Variants in FERMT1 observed in about 807,000 individuals in gnomAD.
FERMT1 encodes the protein fermitin family homolog 1.
In FERMT1, 60 loss-of-function variants were observed where a neutral mutation model predicts 85.3. The observed-to-expected ratio is 0.70, with a 90% CI of 0.57 to 0.87. The LOEUF (loss-of-function observed/expected upper bound fraction) is 0.87, where lower values mean the gene tolerates loss of function less well. FERMT1 is among the 40% of genes least tolerant of loss of function. The pLI is 0.00. For missense variants in FERMT1, 701 were observed against 818.9 expected (o/e 0.86, Z 1.76); for synonymous variants, 275 against 301.1 (o/e 0.91, Z 0.90).
At chr20:6,115,790 G>A in intron 3 of FERMT1, 21 bp downstream of exon 3, 2 of 1,564,644 alleles carry the variant, frequency 1.3e-6, no homozygotes, top group Non-Finnish European at 1.8e-6. Context: ...CAGGGCACAG[G>A]GGCCTTTCCT....
chr20:6,092,085 C>T (rs188472100), intron 9 of FERMT1, among the ~76,000 whole-genome samples: 14 of 152,208 alleles, frequency 9.2e-5, no homozygotes, highest in Admixed American at 4.6e-4. Context: ...GGATTACAGG[C>T]GCGTGCCACT....
intron 2 of FERMT1, among the ~76,000 whole-genome samples, chr20:6,116,739 A>AAAAT (rs1296864564): frequency 6.6e-6 from 1 of 151,934 alleles, no homozygotes; most frequent in African/African-American, 2.4e-5. Context: ...CAAAAAAAAA[A>AAAAT]AAATGGAAAA....
Position 6,110,474 on chromosome 20 carries a change from T to C in FERMT1, c.570A>G (p.Ile190Met). 6.2e-7 allele frequency: 1 copy of C among 1,614,130 alleles called. No individual in the cohort carries two copies. The highest frequency in any genetic ancestry group is 8.5e-7 in the Non-Finnish European group (1 of 1,180,014). ...CTGGTGTTCCATTGATGGGGTCATA[T>C]ATAGGGGTCATGGTTTTACTGTATA... ...PGLYSKTMTP[I>M]YDPINGTPAS... Residue 190 changes from isoleucine (I) to methionine (M), a missense_variant, in exon 5 of 15, where the codon ATA (isoleucine) becomes ATG (methionine). Physicochemically the swap from Ile to Met is conservative, Grantham distance 10. Transcript: ENST00000217289.
chr20:6,099,361 C>T (rs1455939227), intron 6 of FERMT1, among the ~76,000 whole-genome samples: 1 of 147,826 alleles, frequency 6.8e-6, no homozygotes, highest in Non-Finnish European at 1.5e-5. Flanking sequence ...GCCAAGATTG[C>T]AGCACTGCAC....
intron 6 of FERMT1, 104 bp downstream of exon 6, chr20:6,107,428 C>G: frequency 1.5e-6 from 1 of 679,380 alleles, no homozygotes; most frequent in Non-Finnish European, 2.6e-6. Flanking sequence ...AACAGGCGAT[C>G]ACACAAATAA....
chr20:6,101,692 G>T (rs1024554118), intron 6 of FERMT1, among the ~76,000 whole-genome samples: 6 of 152,092 alleles, frequency 3.9e-5, no homozygotes, highest in Non-Finnish European at 7.4e-5. Context: ...TTGCTCTGTT[G>T]CCCAGGCTGG....
intron 14 of FERMT1, among the ~76,000 whole-genome samples, chr20:6,078,503 C>T (rs529210967): frequency 2.0e-5 from 3 of 152,156 alleles, no homozygotes; most frequent in Non-Finnish European, 4.4e-5. Context: ...GAAACAGGGT[C>T]TTGCTTTGTT....
rs1362143331 is a variant in FERMT1, at chr20:6,085,140, T to C, written c.1519A>G (p.Ser507Gly). ...NRNSASQVAS[S>G]LENMDMNPEC... ...GGGTTCATATCCATGTTTTCGAGAC[T>C]GGAAGCCACCTGAGATGCAGAGTTC... is the stretch of plus-strand genomic sequence containing the variant. Residue 507 changes from serine (S) to glycine (G), a missense_variant, in exon 12 of 15, where the codon AGT becomes GGT. Transcript: ENST00000217289. 6.2e-7 allele frequency: 1 copy of C among 1,614,244 alleles called. No individual in the cohort carries two copies. The highest frequency in any genetic ancestry group is 8.5e-7 in the Non-Finnish European group (1 of 1,180,034).
Position 6,075,148 on chromosome 20 carries a change from G to C in FERMT1, c.*2025C>G, listed in dbSNP as rs956420976. 1 of 151,782 alleles carries C rather than the reference G, an allele frequency of 6.6e-6. No individual in the cohort carries two copies. The highest frequency in any genetic ancestry group is 2.4e-5 in the African/African-American group (1 of 41,278). 9.4% of individuals were successfully genotyped at this position (151,782 alleles called of 1,614,324 possible). ...GAAAACTGTAACCAAACAAAGTTTG[G>C]TTAAAACAAAGTTGGTTCCTTTGTT... On this transcript the variant is annotated 3_prime_UTR_variant, in exon 15 of 15. Transcript: ENST00000217289.
At chr20:6,080,443 T>C (rs1375601208) in intron 13 of FERMT1, among the ~76,000 whole-genome samples, 1 of 152,212 alleles carries the variant, frequency 6.6e-6, no homozygotes, top group Non-Finnish European at 1.5e-5. Context: ...CTGTCACACC[T>C]GTCCCAGATG....
intron 3 of FERMT1, among the ~76,000 whole-genome samples, chr20:6,112,900 GA>G (rs1401383745): frequency 2.0e-5 from 3 of 152,138 alleles, no homozygotes; most frequent in Non-Finnish European, 4.4e-5. Context: ...AAAGCAAAGG[GA>G]ATGGTATAAT....
At chr20:6,089,113 G>A (rs773939268) in intron 9 of FERMT1, 24 bp from the exon 10 acceptor site, 137 of 1,606,648 alleles carry the variant, frequency 8.5e-5, no homozygotes, top group Non-Finnish European at 1.1e-4. Context: ...GATAGTGAAT[G>A]TTTAAACCAC....
At chr20:6,092,201 T>A (rs1317202792) in intron 9 of FERMT1, among the ~76,000 whole-genome samples, 3 of 152,244 alleles carry the variant, frequency 2.0e-5, no homozygotes, top group African/African-American at 4.8e-5. Flanking sequence ...GATCAGTTTC[T>A]ATTTTATGTT....
At chr20:6,077,632 T>C (rs1304156939) in intron 14 of FERMT1, among the ~76,000 whole-genome samples, 1 of 152,212 alleles carries the variant, frequency 6.6e-6, no homozygotes, top group Non-Finnish European at 1.5e-5. Context: ...CCAAGCACTC[T>C]CTGTCTCCCT....
intron 11 of FERMT1, 36 bp from the exon 12 acceptor site, chr20:6,085,323 T>G: frequency 6.3e-7 from 1 of 1,586,136 alleles, no homozygotes; most frequent in Non-Finnish European, 8.6e-7. Context: ...CAAGCTCAAG[T>G]GCAAAGCCCC....
chr20:6,106,126 G>A (rs904018746), intron 6 of FERMT1, among the ~76,000 whole-genome samples: 24 of 152,150 alleles, frequency 1.6e-4, no homozygotes, highest in Admixed American at 2.6e-4. Context: ...AGCCAATTGC[G>A]TAGGAGAAGC....
intron 3 of FERMT1, among the ~76,000 whole-genome samples, chr20:6,114,488 T>C (rs565549159): frequency 1.3e-5 from 2 of 152,334 alleles, no homozygotes; most frequent in East Asian, 3.9e-4. Context: ...GTATCAGCTG[T>C]GATGTGTGCT....
At position 6,096,839 on chromosome 20, in the gene FERMT1, GT is replaced by G. The variant is rs1568658822; in HGVS notation, c.1089+62del. 4 of 1,038,410 alleles carry G rather than the reference GT, an allele frequency of 3.9e-6. No individual in the cohort carries two copies. In the African/African-American group the frequency reaches 7.0e-5, roughly 18 times the overall value. The allele number at this position is 1,038,410 out of a possible 1,614,324, so 64.3% of individuals were successfully genotyped here. A position where few individuals can be genotyped will look rare whatever the true frequency, so the allele number is the denominator to read the frequency against. On this transcript the variant is annotated intron_variant, in intron 8 of 14. Coordinates refer to ENST00000217289, the MANE Select transcript of FERMT1 (RefSeq NM_017671.5). The stretch of plus-strand genomic sequence containing the variant: ...AAATATTCTCTTCTAATAAAGAAAA[GT>G]TCATTTATACTTGTCAATCAGAAGA...
chr20:6,084,575 C>T (rs1982107194), intron 12 of FERMT1, among the ~76,000 whole-genome samples: 1 of 152,186 alleles, frequency 6.6e-6, no homozygotes, highest in Non-Finnish European at 1.5e-5. Context: ...GTCAGCAGTA[C>T]AGTCACCTCT....
Sources: gnomAD v4.1 joint callset for allele counts (sites outside exome capture counted in the v4.1 genomes callset) on GRCh38, gnomAD v4.1.1 for gene constraint, MANE v1.5 for transcripts, NCBI Gene and HGNC (gene_info 2026-07-23, HGNC 2026-07-21) for gene names.